The following KLB variants were observed in gnomAD, a reference collection of about 807,000 sequenced individuals.
KLB encodes the protein beta-klotho.
KLB carries 44 observed loss-of-function variants against 88.4 expected under a neutral mutation model. The observed-to-expected ratio is 0.50, with a 90% CI of 0.39 to 0.64. The LOEUF (loss-of-function observed/expected upper bound fraction) is 0.64. Ranked by LOEUF, KLB falls within the 30% of genes least tolerant of loss-of-function variation. The probability of loss-of-function intolerance (pLI) is 0.00; values close to 1 mark genes in which losing one functional copy is unlikely to be tolerated. For synonymous variants in KLB, 548 were observed against 513.4 expected, an observed-to-expected ratio of 1.07 and a Z score of -0.91; for missense variants, 1,137 against 1,304.8, an observed-to-expected ratio of 0.87 and a Z score of 1.98.
chr4:39,447,118 C>T lies in KLB; in HGVS notation c.2392C>T (p.Leu798Phe). 1 of 1,613,504 alleles carries T rather than the reference C, an allele frequency of 6.2e-7. No individual in the cohort carries two copies. The highest frequency in any genetic ancestry group is 1.3e-5 in the African/African-American group (1 of 75,070). ...EYIASKHRRG[L>F]SSSALPRLTE... ...CATTGCCTCCAAGCACCGACGGGGG[C>T]TTTCCAGCTCGGCCCTGCCGCGCCT... is the stretch of plus-strand genomic sequence containing the variant. Residue 798 changes from leucine (L) to phenylalanine (F), a missense_variant, in exon 4 of 5, where the codon CTT becomes TTT. By Grantham distance (22) the Leu-to-Phe change is conservative. Coordinates refer to ENST00000257408, the MANE Select transcript of KLB (RefSeq NM_175737.4).
Position 39,420,922 on chromosome 4 carries a change from C to CCA in KLB, c.825+13154_825+13155dup, listed in dbSNP as rs1184440593. Among the ~76,000 whole-genome samples the CCA allele has an allele frequency of 6.6e-5, 10 of 152,320 alleles. No homozygotes were observed. The East Asian group carries it at 1.9e-3, about 29-fold the overall frequency. On this transcript the variant is annotated intron_variant, in intron 1 of 4. Coordinates refer to ENST00000257408, the MANE Select transcript of KLB (RefSeq NM_175737.4). ...GTTCTCTTCTTTCCTTACTCCCTAA[C>CCA]CACACACCACGGGAAGTAACCACTG...
In KLB at chr4:39,447,303, C is replaced by T. The variant is rs765965692; in HGVS notation, c.2577C>T (p.Pro859=). The T allele has an allele frequency of 5.6e-6, 9 of 1,614,118 alleles. No individual in the cohort carries two copies. The highest frequency in any genetic ancestry group is 7.6e-6 in the Non-Finnish European group (9 of 1,180,000). ...AGGACATCACCCGCCTGAGCTCCCC[C>T]ACGCGCCTGGCTGTGATTCCCTGGG... is the stretch of plus-strand genomic sequence containing the variant. ...FLQDITRLSS[P]TRLAVIPWGV... Residue 859 remains proline (P), a synonymous_variant, in exon 4 of 5, where the codon CCC becomes CCT. Transcript: ENST00000257408.
At chr4:39,425,891 G>A (rs1743197526) in intron 1 of KLB, among the ~76,000 whole-genome samples, 1 of 151,994 alleles carries the variant, frequency 6.6e-6, no homozygotes, top group South Asian at 2.1e-4. Context: ...GCTGAGGCGG[G>A]CGGATTACTT....
intron 1 of KLB, among the ~76,000 whole-genome samples, chr4:39,430,409 G>GAAAAGAAA (rs1553931557): frequency 7.5e-6 from 1 of 134,058 alleles, no homozygotes; most frequent in East Asian, 2.1e-4. Flanking sequence ...TTTCTAATTA[G>GAAAAGAAA]AAAAAAAAAA....
chr4:39,446,625 T>C lies in KLB; in HGVS notation c.1899T>C (p.Leu633=), dbSNP rs150671909. 72 of 1,613,710 alleles carry C rather than the reference T, an allele frequency of 4.5e-5. 1 individual carries two copies. Among genetic ancestry groups the C allele is most frequent in the Non-Finnish European group, 6.1e-5 (72 of 1,179,798 alleles). The change falls in exon 4 of 5, where the codon CTT becomes CTC. Residue 633 remains leucine (L), a synonymous_variant. Coordinates refer to ENST00000257408, the MANE Select transcript of KLB (RefSeq NM_175737.4). This position sits in a 1 kb window ranked among gnomAD's most constrained non-coding sequence, Gnocchi z 6.4. ...GCGTGGTCAGTGAGGGGCTGAAGCTTGGCATCTCCGCGATGGTCACCCTGT... is the reference window on the plus strand; with the variant it reads ...GCGTGGTCAGTGAGGGGCTGAAGCTCGGCATCTCCGCGATGGTCACCCTGT... The part of the protein sequence containing the change: ...YRCVVSEGLK[L]GISAMVTLYY...
rs929848444 is a variant in KLB, at chr4:39,449,730, G to A, written c.*1044G>A. ...ACCTGAGGTTAGGAGTTCGAGACTA[G>A]CCTGGCCAACATGGCAAAACCCCAT... On this transcript the variant is annotated 3_prime_UTR_variant, in exon 5 of 5. Transcript: ENST00000257408. 3.9e-5 allele frequency: 6 copies of A among 152,128 alleles called. No individual in the cohort carries two copies. The highest frequency in any genetic ancestry group is 1.5e-4 in the African/African-American group (6 of 41,366). The allele number at this position is 152,128 out of a possible 1,614,324, so 9.4% of individuals were successfully genotyped here.
chr4:39,430,906 G>A (rs541458210), intron 1 of KLB, among the ~76,000 whole-genome samples: 4 of 129,692 alleles, frequency 3.1e-5, no homozygotes, highest in African/African-American at 7.7e-5. Flanking sequence ...CACTGCTCCC[G>A]GTTGGAAAGT....
chr4:39,432,992 G>T (rs552839182), intron 1 of KLB, among the ~76,000 whole-genome samples: 1 of 151,554 alleles, frequency 6.6e-6, no homozygotes, highest in Non-Finnish European at 1.5e-5. Flanking sequence ...CGATTATCCT[G>T]CCTCAGCCTC....
chr4:39,408,562 T>A (rs12647895), intron 1 of KLB, among the ~76,000 whole-genome samples: 30,133 of 152,144 alleles, frequency 0.2, 3,123 homozygotes, highest in East Asian at 0.38. Context: ...TAACAGCCTT[T>A]TGAACTAGTT....
intron 1 of KLB, among the ~76,000 whole-genome samples, chr4:39,415,067 C>A (rs1578201625): frequency 6.6e-6 from 1 of 151,812 alleles, no homozygotes; most frequent in East Asian, 2.0e-4. Context: ...AATGTGCCAC[C>A]ACTCACGGCT....
At chr4:39,439,328 G>T (rs1403265448) in intron 3 of KLB, among the ~76,000 whole-genome samples, 1 of 151,894 alleles carries the variant, frequency 6.6e-6, no homozygotes, top group Non-Finnish European at 1.5e-5. Flanking sequence ...CATCTTACAG[G>T]CAAGGCAACT....
At position 39,407,216 on chromosome 4, in the gene KLB, T is replaced by A. The variant is rs778150006; in HGVS notation, c.267T>A (p.Ile89=). 6.2e-7 allele frequency: 1 copy of A among 1,614,160 alleles called. No individual in the cohort carries two copies. The highest frequency in any genetic ancestry group is 8.5e-7 in the Non-Finnish European group (1 of 1,180,026). The change falls in exon 1 of 5, where the codon ATT becomes ATA. Residue 89 remains isoleucine (I), a synonymous_variant. Coordinates refer to ENST00000257408, the MANE Select transcript of KLB (RefSeq NM_175737.4). ...DTFPKNFFWG[I]GTGALQVEGS... Reference sequence around the variant, plus strand: ...TCCCTAAAAACTTTTTCTGGGGTATTGGGACTGGAGCATTGCAAGTGGAAG... The same window carrying A: ...TCCCTAAAAACTTTTTCTGGGGTATAGGGACTGGAGCATTGCAAGTGGAAG...
chr4:39,410,029 C>T (rs1397076127), intron 1 of KLB, among the ~76,000 whole-genome samples: 1 of 152,168 alleles, frequency 6.6e-6, no homozygotes, highest in Non-Finnish European at 1.5e-5. Context: ...AGGCCAAGGA[C>T]GCTACTGTTA....
chr4:39,440,767 A>G (rs1743581348), intron 3 of KLB, among the ~76,000 whole-genome samples: 1 of 151,780 alleles, frequency 6.6e-6, no homozygotes, highest in African/African-American at 2.4e-5. Flanking sequence ...CATGTTGCCC[A>G]GGCTGGTCTC....
intron 3 of KLB, among the ~76,000 whole-genome samples, chr4:39,444,281 G>A (rs1743686367): frequency 9.4e-6 from 1 of 106,512 alleles, no homozygotes; most frequent in African/African-American, 4.0e-5. Context: ...TTAGCTGGAT[G>A]ATGTTTTATA....
At chr4:39,414,625 C>T (rs959373128) in intron 1 of KLB, among the ~76,000 whole-genome samples, 1 of 151,860 alleles carries the variant, frequency 6.6e-6, no homozygotes, top group African/African-American at 2.4e-5. Flanking sequence ...AATCCCAACA[C>T]TTTGAGAGGC....
chr4:39,435,081 A>G (rs912534831), intron 2 of KLB, among the ~76,000 whole-genome samples: 2 of 151,968 alleles, frequency 1.3e-5, no homozygotes, highest in Non-Finnish European at 2.9e-5. Flanking sequence ...TGCTGGGATT[A>G]CAGGCATGAG....
intron 1 of KLB, among the ~76,000 whole-genome samples, chr4:39,419,905 C>T (rs1483479385): frequency 1.4e-5 from 2 of 138,476 alleles, no homozygotes; most frequent in Non-Finnish European, 3.0e-5. Flanking sequence ...GATCGTGCCA[C>T]TGCACTCCAG....
At chr4:39,439,865 A>G (rs1001542571) in intron 3 of KLB, among the ~76,000 whole-genome samples, 3 of 151,858 alleles carry the variant, frequency 2.0e-5, no homozygotes, top group Non-Finnish European at 2.9e-5. Flanking sequence ...ACGGGGTTTC[A>G]CCATGTTGGC....
Sources: gnomAD v4.1 joint callset for allele counts (sites outside exome capture counted in the v4.1 genomes callset) on GRCh38, gnomAD v4.1.1 for gene constraint, Gnocchi (gnomAD v3.1) non-coding constraint, MANE v1.5 for transcripts, NCBI Gene and HGNC (gene_info 2026-07-23, HGNC 2026-07-21) for gene names.